PCDH15: variants seen among roughly 807,000 people sequenced by gnomAD.
The protein encoded by PCDH15 is protocadherin-15.
In PCDH15, 129 loss-of-function variants were observed where a neutral mutation model predicts 178.5. The observed-to-expected ratio is 0.72, with a 90% CI of 0.63 to 0.84. The LOEUF (loss-of-function observed/expected upper bound fraction) is 0.84, where lower values mean the gene tolerates loss of function less well. PCDH15 is among the 40% of genes least tolerant of loss of function. PCDH15 has a pLI of 0.00. For missense variants in PCDH15, 2,230 were observed against 2,099.9 expected (o/e 1.06, Z -1.21); for synonymous variants, 800 against 732.0 (o/e 1.09, Z -1.50).
chr10:54,638,845 C>G (rs1428377499), intron 2 of PCDH15, among the ~76,000 whole-genome samples: 2 of 152,084 alleles, frequency 1.3e-5, no homozygotes, highest in East Asian at 3.9e-4. Context: ...CCACGGAACA[C>G]CGCTCAGCTA....
intron 23 of PCDH15, among the ~76,000 whole-genome samples, chr10:53,955,721 A>C (rs2134230673): frequency 6.6e-6 from 1 of 152,276 alleles, no homozygotes; most frequent in African/African-American, 2.4e-5. Context: ...AAGAAGTAGA[A>C]GTTTTTTCAC....
chr10:54,146,067 C>T (rs2043876414), intron 14 of PCDH15, among the ~76,000 whole-genome samples: 1 of 151,798 alleles, frequency 6.6e-6, no homozygotes, highest in South Asian at 2.1e-4. Flanking sequence ...ATTTCTAGTA[C>T]CTCCCCAAGA....
intron 1 of PCDH15, among the ~76,000 whole-genome samples, chr10:55,201,643 G>T (rs1317374975): frequency 1.3e-5 from 2 of 152,080 alleles, no homozygotes; most frequent in Non-Finnish European, 2.9e-5. Flanking sequence ...TCTACTGCTG[G>T]TCCACATACT....
chr10:54,726,992 G>T (rs76767238), intron 1 of PCDH15, among the ~76,000 whole-genome samples: 1 of 116,826 alleles, frequency 8.6e-6, no homozygotes, highest in African/African-American at 3.5e-5. Flanking sequence ...ATTTTTGTGG[G>T]TATTAACATT....
At chr10:53,812,353 G>T (rs1354612648) in intron 35 of PCDH15, among the ~76,000 whole-genome samples, 1 of 150,776 alleles carries the variant, frequency 6.6e-6, no homozygotes, top group Non-Finnish European at 1.5e-5. Context: ...GGCTACAGGC[G>T]CCCGCCACCA....
At chr10:53,809,285 C>T (rs866707947) in intron 37 of PCDH15, 1 of 1,613,970 alleles carries the variant, frequency 6.2e-7, no homozygotes, top group Non-Finnish European at 8.5e-7. Context: ...GTTGCTTCCT[C>T]TTGGTCCAGA....
At chr10:54,329,116 A>G (rs1938830426) in intron 7 of PCDH15, among the ~76,000 whole-genome samples, 2 of 151,910 alleles carry the variant, frequency 1.3e-5, no homozygotes, top group African/African-American at 4.8e-5. Context: ...TACTCAATAA[A>G]TGATAGCCAT....
chr10:54,703,683 G>A (rs74551609), intron 1 of PCDH15, among the ~76,000 whole-genome samples: 1,807 of 151,896 alleles, frequency 0.012, 39 homozygotes, highest in African/African-American at 0.041. Context: ...GAGGCAAAAG[G>A]TACCTATAAT....
intron 3 of PCDH15, among the ~76,000 whole-genome samples, chr10:54,462,680 A>ATT (rs767750465): frequency 0.014 from 763 of 56,234 alleles, 87 homozygotes; most frequent in African/African-American, 0.038. Context: ...CACCTGCTTA[A>ATT]TTTTTTTTTT....
intron 3 of PCDH15, among the ~76,000 whole-genome samples, chr10:54,875,471 T>C (rs532540852): frequency 2.0e-5 from 3 of 152,264 alleles, no homozygotes; most frequent in South Asian, 4.1e-4. Context: ...TAGTGAAGAA[T>C]ACATATTTAA....
intron 2 of PCDH15, among the ~76,000 whole-genome samples, chr10:55,164,616 G>T (rs1415996159): frequency 6.6e-6 from 1 of 151,968 alleles, no homozygotes; most frequent in Non-Finnish European, 1.5e-5. Flanking sequence ...TCATGCTCTT[G>T]TTGATTTATT....
chr10:54,280,356 CG>C (rs2058616466), intron 8 of PCDH15, among the ~76,000 whole-genome samples: 1 of 150,974 alleles, frequency 6.6e-6, no homozygotes, highest in Non-Finnish European at 1.5e-5. Context: ...TAACCACAAC[CG>C]GGTGTCTCTA....
At chr10:53,987,073 C>A (rs1156901351) in intron 21 of PCDH15, among the ~76,000 whole-genome samples, 4 of 151,870 alleles carry the variant, frequency 2.6e-5, no homozygotes, top group Non-Finnish European at 4.4e-5. Context: ...ATACACCAGA[C>A]ACAATTCATA....
At chr10:55,337,972 T>G (rs78880311) in intron 2 of PCDH15, among the ~76,000 whole-genome samples, 1 of 151,786 alleles carries the variant, frequency 6.6e-6, no homozygotes, top group Non-Finnish European at 1.5e-5. Context: ...AGGAAAAAAA[T>G]AGTCTAATTA....
At chr10:54,804,947 A>ATATATATATATATATATATATATATATG (rs1952755301), upstream of PCDH15, among the ~76,000 whole-genome samples, 2 of 137,768 alleles carry the variant, frequency 1.5e-5, no homozygotes, top group Admixed American at 7.4e-5. Flanking sequence ...ATATATATAT[A>ATATATATATATATATATATATATATATG]TACAGAGTTT....
chr10:55,405,449 T>A (rs1275589739), intron 2 of PCDH15, among the ~76,000 whole-genome samples: 1 of 151,450 alleles, frequency 6.6e-6, no homozygotes, highest in Non-Finnish European at 1.5e-5. Context: ...GCCTTTGCCT[T>A]TTCTAACTTA....
intron 2 of PCDH15, among the ~76,000 whole-genome samples, chr10:55,061,390 C>A (rs1373175370): frequency 2.0e-5 from 3 of 152,082 alleles, no homozygotes; most frequent in African/African-American, 7.2e-5. Flanking sequence ...ATGGTCAAAA[C>A]CCAGAACATT....
At chr10:54,265,912 C>T (rs2057646610) in intron 8 of PCDH15, among the ~76,000 whole-genome samples, 1 of 151,952 alleles carries the variant, frequency 6.6e-6, no homozygotes, top group Non-Finnish European at 1.5e-5. Context: ...TTAAATTTGA[C>T]ACTTGACCAA....
intron 2 of PCDH15, among the ~76,000 whole-genome samples, chr10:55,331,555 G>A: frequency 6.6e-6 from 1 of 151,990 alleles, no homozygotes; most frequent in East Asian, 1.9e-4. Context: ...TTTAAACAAA[G>A]TGGTTGTAGG....
Sources: gnomAD v4.1 joint callset for allele counts (sites outside exome capture counted in the v4.1 genomes callset) on GRCh38, gnomAD v4.1.1 for gene constraint, MANE v1.5 for transcripts, NCBI Gene and HGNC (gene_info 2026-07-23, HGNC 2026-07-21) for gene names.